GSE1: variants seen among roughly 807,000 people sequenced by gnomAD.
GSE1 encodes Gse1 coiled-coil protein.
Under a neutral mutation model 112.6 loss-of-function variants are expected in GSE1, and 32 were observed. The ratio of observed to expected loss-of-function variants is 0.28; its 90% CI spans 0.21 to 0.38. The LOEUF (loss-of-function observed/expected upper bound fraction) is 0.38. Ranked by LOEUF, GSE1 falls within the 10% of genes least tolerant of loss-of-function variation. GSE1 has a pLI of 1.00. For synonymous variants in GSE1, 1,115 were observed against 735.6 expected (o/e 1.52, Z -8.35); for missense variants, 2,348 against 1,699.2 (o/e 1.38, Z -6.71).
intron 2 of GSE1, among the ~76,000 whole-genome samples, chr16:85,427,566 C>A (rs575141988): frequency 3.3e-5 from 5 of 152,212 alleles, no homozygotes; most frequent in Non-Finnish European, 5.9e-5. Flanking sequence ...CGCTTGAACT[C>A]GGGAGGTGGA....
chr16:85,594,075 ACTT>A, intron 1 of GSE1: 1 of 151,902 alleles, frequency 6.6e-6, no homozygotes, highest in Non-Finnish European at 1.5e-5. Flanking sequence ...GGCAAATTTG[ACTT>A]CTTTGCAGAA....
At chr16:85,629,508 C>A (rs1035649550) in intron 1 of GSE1, among the ~76,000 whole-genome samples, 3 of 152,264 alleles carry the variant, frequency 2.0e-5, no homozygotes, top group African/African-American at 7.2e-5. Context: ...CCTCCTGCGG[C>A]CCTGGAGCAG....
chr16:85,653,503 C>T (rs775875117), intron 3 of GSE1, among the ~76,000 whole-genome samples: 12 of 151,324 alleles, frequency 7.9e-5, no homozygotes, highest in Non-Finnish European at 1.3e-4. Context: ...CCTCCTCCTG[C>T]TTTGTGCCTG....
chr16:85,317,726 A>T (rs1597379871), intron 1 of GSE1, among the ~76,000 whole-genome samples: 2 of 152,056 alleles, frequency 1.3e-5, no homozygotes, highest in African/African-American at 2.4e-5. Flanking sequence ...GCATTCATGC[A>T]CCCTGCGCTG....
In GSE1 at chr16:85,663,076, C is replaced by G. The variant is rs756396598; in HGVS notation, c.2356C>G (p.Leu786Val). ...CGTGGCCGAGCAGCCGCCCCTCAAA[C>G]TGGACACGTCCTCTGAGGTACTGGG... is the stretch of plus-strand genomic sequence containing the variant. ...RCVAEQPPLK[L>V]DTSSEKLEFL... The change falls in exon 10 of 16, where the codon CTG becomes GTG. Residue 786 changes from leucine (L) to valine (V), a missense_variant. Leu to Val is a conservative substitution (Grantham distance 32, BLOSUM62 1). Coordinates refer to ENST00000253458, the MANE Select transcript of GSE1 (RefSeq NM_014615.5). 2.5e-6 allele frequency: 4 copies of G among 1,608,758 alleles called. No homozygotes were observed. Among genetic ancestry groups the G allele is most frequent in the African/African-American group, 2.7e-5 (2 of 74,824 alleles).
chr16:85,514,435 C>G (rs1316298819), intron 2 of GSE1, among the ~76,000 whole-genome samples: 1 of 105,142 alleles, frequency 9.5e-6, no homozygotes, highest in South Asian at 4.1e-4. Context: ...GTCCCCCCCC[C>G]CACCCCAGGG....
rs577187683 is a variant in GSE1 at position 85,423,286 on chromosome 16, A to G, written c.2464+65643A>G. ...GACGTCCTCCCTGAGTGGCAAGGCCAGGCCCTGGGTCAGGCTCCAGCCGGA... is the reference window on the plus strand; with the variant it reads ...GACGTCCTCCCTGAGTGGCAAGGCCGGGCCCTGGGTCAGGCTCCAGCCGGA... On this transcript the variant is annotated intron_variant, in intron 2 of 2. Coordinates refer to the GSE1 transcript ENST00000637419. 5.3e-5 allele frequency among the ~76,000 whole-genome samples: 8 copies of G among 152,350 alleles called. No homozygotes were observed. In the South Asian group the frequency reaches 1.7e-3, roughly 32 times the overall value.
At chr16:85,289,734 A>G (rs2045149856) in intron 1 of GSE1, among the ~76,000 whole-genome samples, 1 of 152,118 alleles carries the variant, frequency 6.6e-6, no homozygotes, top group Non-Finnish European at 1.5e-5. Flanking sequence ...AGGACATGGC[A>G]AGGTCCTGGG....
At chr16:85,590,170 G>A (rs528984195) in intron 1 of GSE1, among the ~76,000 whole-genome samples, 19 of 152,204 alleles carry the variant, frequency 1.2e-4, no homozygotes, top group Admixed American at 1.2e-3. Context: ...GAATGTGTGT[G>A]ACATTGTGTA....
At chr16:85,371,028 G>A (rs1011480603) in intron 2 of GSE1, among the ~76,000 whole-genome samples, 1 of 152,182 alleles carries the variant, frequency 6.6e-6, no homozygotes, top group Non-Finnish European at 1.5e-5. Flanking sequence ...ACACCCTCGC[G>A]CTCTCTTCTG....
chr16:85,527,407 C>T (rs1348049036), intron 2 of GSE1, among the ~76,000 whole-genome samples: 1 of 152,266 alleles, frequency 6.6e-6, no homozygotes, highest in Non-Finnish European at 1.5e-5. Context: ...AGAAGCTGGG[C>T]TGGGATGAAC....
At chr16:85,659,682 T>A (rs1259387819) in intron 8 of GSE1, 2 of 152,188 alleles carry the variant, frequency 1.3e-5, no homozygotes, top group African/African-American at 4.8e-5. Context: ...CTCTTAAAAA[T>A]AAGCTGGAAA....
At chr16:85,516,066 C>T (rs2051924892) in intron 2 of GSE1, among the ~76,000 whole-genome samples, 1 of 152,232 alleles carries the variant, frequency 6.6e-6, no homozygotes, top group African/African-American at 2.4e-5. Flanking sequence ...GGGGTAGTGG[C>T]ATCCCTGGTC....
chr16:85,600,696 A>C (rs765341023), intron 1 of GSE1, among the ~76,000 whole-genome samples: 3 of 152,070 alleles, frequency 2.0e-5, no homozygotes, highest in Non-Finnish European at 2.9e-5. Context: ...GTAGCATCGC[A>C]GATGTAGGGA....
rs79710266 is a variant in GSE1 at position 85,359,205 on chromosome 16, C to T, written c.2464+1562C>T. On this transcript the variant is annotated intron_variant, in intron 2 of 2. Transcript: ENST00000637419. Reference sequence around the variant, plus strand: ...GGGAGGCTCAGGCAGAGGAGGACACCAGTGTTCCCCTGTGCCTAGGGCAGG... The same window carrying T: ...GGGAGGCTCAGGCAGAGGAGGACACTAGTGTTCCCCTGTGCCTAGGGCAGG... 9.6e-3 allele frequency: 3,362 copies of T among 348,680 alleles called. 52 individuals are homozygous for T. Among genetic ancestry groups the T allele is most frequent in the African/African-American group, 0.049 (2,285 of 46,748 alleles). 21.6% of individuals were successfully genotyped at this position (348,680 alleles called of 1,614,324 possible). A position where few individuals can be genotyped will look rare whatever the true frequency, so the allele number is the denominator to read the frequency against.
At chr16:85,204,790 C>T in intron 1 of GSE1, among the ~76,000 whole-genome samples, 1 of 152,326 alleles carries the variant, frequency 6.6e-6, no homozygotes, top group African/African-American at 2.4e-5. Flanking sequence ...CTCTGAATTC[C>T]CTGCTATGCC....
chr16:85,560,150 T>TTTTTTTTA (rs1179259849), intron 1 of GSE1, among the ~76,000 whole-genome samples: 9 of 145,124 alleles, frequency 6.2e-5, no homozygotes, highest in African/African-American at 7.7e-5. Context: ...TTTTTTTTTT[T>TTTTTTTTA]ATGTGAGACG....
intron 2 of GSE1, among the ~76,000 whole-genome samples, chr16:85,459,316 A>C (rs960171384): frequency 3.9e-5 from 6 of 152,134 alleles, no homozygotes; most frequent in Non-Finnish European, 5.9e-5. Flanking sequence ...TCCTTTGTGC[A>C]AATTAGAAGG....
At chr16:85,199,887 C>T (rs573325387) in intron 1 of GSE1, among the ~76,000 whole-genome samples, 2 of 152,160 alleles carry the variant, frequency 1.3e-5, no homozygotes, top group Admixed American at 6.5e-5. Flanking sequence ...TGCAGTGGTC[C>T]GAGCACCAGT....
Sources: allele counts gnomAD v4.1 joint callset (sites outside exome capture counted in the v4.1 genomes callset), GRCh38; gene constraint gnomAD v4.1.1; transcripts MANE v1.5; gene names NCBI Gene and HGNC (gene_info 2026-07-23, HGNC 2026-07-21).